ABLIM1: variants seen among roughly 807,000 people sequenced by gnomAD.
The protein encoded by ABLIM1 is actin binding LIM protein 1, also known as actin-binding LIM protein 1.
In ABLIM1, 40 loss-of-function variants were observed where a neutral mutation model predicts 107.0. That is an observed-to-expected ratio of 0.37 (90% CI 0.29 to 0.49). ABLIM1 has a LOEUF of 0.49. Ranked by LOEUF, ABLIM1 falls within the 20% of genes least tolerant of loss-of-function variation. The pLI is 0.97. For missense variants in ABLIM1, 857 were observed against 1,008.5 expected (o/e 0.85, Z 2.04); for synonymous variants, 357 against 357.3 (o/e 1.00, Z 0.01).
At chr10:114,548,096 G>C (rs768352990) in intron 4 of ABLIM1, among the ~76,000 whole-genome samples, 2 of 152,114 alleles carry the variant, frequency 1.3e-5, no homozygotes, top group Admixed American at 6.5e-5. Flanking sequence ...TTTAATTATA[G>C]TGTCTTGGCT....
rs1280804289 is a variant in ABLIM1, at chr10:114,619,936, G to T, written c.245-17975C>A. 6.6e-6 allele frequency among the ~76,000 whole-genome samples: 1 copy of T among 152,198 alleles called. No individual in the cohort carries two copies. Among genetic ancestry groups the T allele is most frequent in the Non-Finnish European group, 1.5e-5 (1 of 68,044 alleles). On this transcript the variant is annotated intron_variant, in intron 1 of 22. Transcript: ENST00000533213. This position sits in a 1 kb window ranked among gnomAD's most constrained non-coding sequence, Gnocchi z 4.1. ...GTTAAGGATAAAGTGGCAAATGAAA[G>T]ATTCAGACATTCTTTTGTCAAAACC...
At chr10:114,509,070 A>G (rs1161805192) in intron 6 of ABLIM1, among the ~76,000 whole-genome samples, 1 of 152,232 alleles carries the variant, frequency 6.6e-6, no homozygotes, top group East Asian at 1.9e-4. Context: ...TGGGAAATTT[A>G]GAATGAGAAT....
In ABLIM1 at chr10:114,684,239, G is replaced by A. The variant is rs769418410; in HGVS notation, c.64+51C>T. The A allele has an allele frequency of 1.2e-5, 19 of 1,552,720 alleles. No homozygotes were observed. The Admixed American group carries it at 2.0e-4, about 16-fold the overall frequency. On this transcript the variant is annotated intron_variant, in intron 1 of 23. Coordinates refer to the ABLIM1 transcript ENST00000369256. ...CATCTTTCCTCATCTTTAAAGACACGGTCGACCCCAGACAGAATATATGCT... is the reference window on the plus strand; with the variant it reads ...CATCTTTCCTCATCTTTAAAGACACAGTCGACCCCAGACAGAATATATGCT...
intron 15 of ABLIM1, among the ~76,000 whole-genome samples, chr10:114,445,959 A>T (rs1289970840): frequency 6.6e-6 from 1 of 152,192 alleles, no homozygotes; most frequent in Non-Finnish European, 1.5e-5. Context: ...TTTTATAGAG[A>T]CATGGTCTCA....
At chr10:114,530,191 A>C (rs1378895914) in intron 6 of ABLIM1, among the ~76,000 whole-genome samples, 1 of 152,228 alleles carries the variant, frequency 6.6e-6, no homozygotes, top group Non-Finnish European at 1.5e-5. Context: ...CTGGTATGTA[A>C]TAAAGCCTCA....
the ABLIM1 span, among the ~76,000 whole-genome samples, chr10:114,793,025 G>A: frequency 6.6e-6 from 1 of 152,116 alleles, no homozygotes; most frequent in Non-Finnish European, 1.5e-5. Flanking sequence ...GGTGGCACAT[G>A]CCTGTAATCC....
At chr10:114,775,740 C>T in the ABLIM1 span, among the ~76,000 whole-genome samples, 1 of 152,304 alleles carries the variant, frequency 6.6e-6, no homozygotes, top group Middle Eastern at 3.4e-3. Flanking sequence ...TCATTTGTGA[C>T]TGAACTCCAA....
the ABLIM1 span, among the ~76,000 whole-genome samples, chr10:114,792,054 C>T: frequency 6.6e-6 from 1 of 152,230 alleles, no homozygotes; most frequent in Non-Finnish European, 1.5e-5. Flanking sequence ...GGTACAGTGG[C>T]TCACACCTGT....
In ABLIM1 at chr10:114,642,911, G is replaced by A. The variant is rs542423970; in HGVS notation, c.244+15046C>T. Among the ~76,000 whole-genome samples the A allele has an allele frequency of 1.5e-3, 223 of 152,278 alleles. 1 individual carries two copies. Among genetic ancestry groups the A allele is most frequent in the African/African-American group, 5.1e-3 (212 of 41,564 alleles). ...ACCTGGATGTCTTGAGGGAAAGAAA[G>A]AAACTTACACCTGCCAAAATGTCCG... On this transcript the variant is annotated intron_variant, in intron 1 of 22. Transcript: ENST00000533213.
rs151325931 is a variant in ABLIM1 at position 114,457,372 on chromosome 10, C to T, written c.1442-3889G>A. ...GTAACCTCCGCCTCCCAGGTTCAAGCGATTCTCCTGCCTCAGCCTCCCAAG... is the reference window on the plus strand; with the variant it reads ...GTAACCTCCGCCTCCCAGGTTCAAGTGATTCTCCTGCCTCAGCCTCCCAAG... On this transcript the variant is annotated intron_variant, in intron 12 of 22. Coordinates refer to ENST00000533213, the MANE Select transcript of ABLIM1 (RefSeq NM_002313.7). Among the ~76,000 whole-genome samples, 411 of 152,150 alleles carry T rather than the reference C, an allele frequency of 2.7e-3. 14 individuals are homozygous for T. The East Asian group carries it at 0.037, about 14-fold the overall frequency.
intron 1 of ABLIM1, among the ~76,000 whole-genome samples, chr10:114,722,871 A>G (rs1001867279): frequency 6.6e-6 from 1 of 152,190 alleles, no homozygotes; most frequent in Non-Finnish European, 1.5e-5. Context: ...GACCAGCTCA[A>G]TGACATTTTA....
At chr10:114,792,418 CTTGA>C in the ABLIM1 span, among the ~76,000 whole-genome samples, 1 of 152,178 alleles carries the variant, frequency 6.6e-6, no homozygotes, top group Admixed American at 6.5e-5. Flanking sequence ...TTATTTCCTT[CTTGA>C]TTATTTAGTA....
chr10:114,672,453 A>T (rs1341244105), intron 1 of ABLIM1, among the ~76,000 whole-genome samples: 1 of 152,152 alleles, frequency 6.6e-6, no homozygotes, highest in East Asian at 1.9e-4. Context: ...CACCTGCCTC[A>T]GCCTCCCAAA....
chr10:114,475,478 C>T (rs894062234), intron 8 of ABLIM1, among the ~76,000 whole-genome samples: 1 of 152,110 alleles, frequency 6.6e-6, no homozygotes, highest in Non-Finnish European at 1.5e-5. Flanking sequence ...GCTCTCTGCC[C>T]TCATAGAGTT....
At chr10:114,546,823 C>T (rs1280146070) in intron 5 of ABLIM1, among the ~76,000 whole-genome samples, 3 of 152,148 alleles carry the variant, frequency 2.0e-5, no homozygotes, top group Non-Finnish European at 2.9e-5. Flanking sequence ...CTCAGTTGCC[C>T]TGGCTGGAGT....
intron 17 of ABLIM1, among the ~76,000 whole-genome samples, chr10:114,443,738 C>T (rs1441514531): frequency 6.7e-6 from 1 of 148,498 alleles, no homozygotes; most frequent in Non-Finnish European, 1.5e-5. Flanking sequence ...TTTCCTTTTG[C>T]TGCTTCCCTT....
At chr10:114,789,981 T>G in the ABLIM1 span, among the ~76,000 whole-genome samples, 2 of 152,186 alleles carry the variant, frequency 1.3e-5, no homozygotes, top group Non-Finnish European at 2.9e-5. Flanking sequence ...TTAGTAGAGA[T>G]GGCGTTTCGC....
intron 8 of ABLIM1, among the ~76,000 whole-genome samples, chr10:114,487,373 T>C (rs542082695): frequency 1.8e-4 from 27 of 152,322 alleles, no homozygotes; most frequent in African/African-American, 6.3e-4. Context: ...GAGATTATGA[T>C]CACAGTTTTA....
intron 1 of ABLIM1, among the ~76,000 whole-genome samples, chr10:114,758,878 T>C (rs557595715): frequency 6.6e-6 from 1 of 152,322 alleles, no homozygotes; most frequent in East Asian, 1.9e-4. Context: ...TCATCTAATA[T>C]TATTCTCAAA....
Sources: gnomAD v4.1 joint callset for allele counts (sites outside exome capture counted in the v4.1 genomes callset) on GRCh38, gnomAD v4.1.1 for gene constraint, Gnocchi (gnomAD v3.1) non-coding constraint, MANE v1.5 for transcripts, NCBI Gene and HGNC (gene_info 2026-07-23, HGNC 2026-07-21) for gene names.